Variants in ADAM28 observed in about 807,000 individuals in gnomAD.
ADAM28 encodes the protein disintegrin and metalloproteinase domain-containing protein 28.
Under a neutral mutation model 101.2 loss-of-function variants are expected in ADAM28, and 105 were observed. The observed-to-expected ratio is 1.04, with a 90% confidence interval of 0.89 to 1.22. The LOEUF (loss-of-function observed/expected upper bound fraction) is 1.22, where lower values mean the gene tolerates loss of function less well. ADAM28 is among the 50% of genes most tolerant of loss of function. ADAM28 has a pLI of 0.00. For synonymous variants in ADAM28, 322 were observed against 310.6 expected (o/e 1.04, Z -0.39); for missense variants, 1,028 against 945.4 (o/e 1.09, Z -1.15).
intron 10 of ADAM28, among the ~76,000 whole-genome samples, chr8:24,328,320 G>A (rs1812895019): frequency 6.6e-6 from 1 of 151,814 alleles, no homozygotes; most frequent in Admixed American, 6.6e-5. Flanking sequence ...GGAAGTTATA[G>A]TTGTCTACCT....
At chr8:24,320,493 G>A (rs749216232) in intron 7 of ADAM28, among the ~76,000 whole-genome samples, 186 bp downstream of exon 7, 32 of 152,026 alleles carry the variant, frequency 2.1e-4, no homozygotes, top group Middle Eastern at 3.4e-3. Flanking sequence ...TTTTCAGAGC[G>A]ATCAGGGCAA....
chr8:24,321,538 G>A (rs1811881949), intron 8 of ADAM28: 2 of 455,884 alleles, frequency 4.4e-6, no homozygotes, highest in Non-Finnish European at 8.0e-6. Context: ...AAAGCTACAT[G>A]GGTGCATTGT....
intron 4 of ADAM28, among the ~76,000 whole-genome samples, chr8:24,310,960 A>G (rs762178025): frequency 1.3e-5 from 2 of 152,212 alleles, no homozygotes. Context: ...CAAAAACCCA[A>G]TCTAAATAAC....
Position 24,310,245 on chromosome 8 carries a change from T to G in ADAM28, c.306+4T>G. On this transcript the variant is annotated splice_donor_region_variant and intron_variant, in intron 4 of 22. Coordinates refer to ENST00000265769, the MANE Select transcript of ADAM28 (RefSeq NM_014265.6). ...CACCACAAGCCCACAAATTATGGTATAACGGAGTCTCTTCAATTCTTTAAT... is the reference window on the plus strand; with the variant it reads ...CACCACAAGCCCACAAATTATGGTAGAACGGAGTCTCTTCAATTCTTTAAT... 1 of 1,610,982 alleles carries G rather than the reference T, an allele frequency of 6.2e-7. No individual in the cohort carries two copies. The highest frequency in any genetic ancestry group is 1.1e-5 in the South Asian group (1 of 90,996).
intron 2 of ADAM28, among the ~76,000 whole-genome samples, chr8:24,300,632 G>A (rs1259411403): frequency 6.6e-6 from 1 of 152,102 alleles, no homozygotes; most frequent in Non-Finnish European, 1.5e-5. Flanking sequence ...TAGCCAGGAT[G>A]TTTTCTATCT....
intron 6 of ADAM28, among the ~76,000 whole-genome samples, chr8:24,319,889 A>G (rs1811642466): frequency 6.6e-6 from 1 of 152,006 alleles, no homozygotes; most frequent in East Asian, 1.9e-4. Context: ...CACTAGGAGG[A>G]TGCTGAAGTC....
chr8:24,337,854 C>T lies in ADAM28; in HGVS notation c.1568-1612C>T, dbSNP rs542118828. Among the ~76,000 whole-genome samples the T allele has an allele frequency of 1.2e-4, 18 of 152,274 alleles. No individual in the cohort carries two copies. In the South Asian group the frequency reaches 3.7e-3, roughly 32 times the overall value. ...ATTGAAAATGTGGCTAAGGCATAAGCAGGCAATTTGTCATAAAGAAGAAAT... is the reference window on the plus strand; with the variant it reads ...ATTGAAAATGTGGCTAAGGCATAAGTAGGCAATTTGTCATAAAGAAGAAAT... On this transcript the variant is annotated intron_variant, in intron 14 of 22. Transcript: ENST00000265769.
Position 24,354,714 on chromosome 8 carries a change from C to T in ADAM28, c.*310C>T, listed in dbSNP as rs992892826. 4 of 221,846 alleles carry T rather than the reference C, an allele frequency of 1.8e-5. No individual in the cohort carries two copies. The highest frequency in any genetic ancestry group is 9.2e-5 in the African/African-American group (4 of 43,550). The allele number at this position is 221,846 out of a possible 1,614,324, so 13.7% of individuals were successfully genotyped here. On this transcript the variant is annotated 3_prime_UTR_variant, in exon 23 of 23. Coordinates refer to ENST00000265769, the MANE Select transcript of ADAM28 (RefSeq NM_014265.6). ...GATTCATTCTCTAATGAAAACAAAA[C>T]ATAAAAACATCACACTAATCTTGGA...
chr8:24,354,499 T>C lies in ADAM28; in HGVS notation c.*95T>C. The C allele has an allele frequency of 7.2e-7, 1 of 1,397,804 alleles. No individual in the cohort carries two copies. The highest frequency in any genetic ancestry group is 9.7e-7 in the Non-Finnish European group (1 of 1,027,766). The allele number at this position is 1,397,804 out of a possible 1,614,324, so 86.6% of individuals were successfully genotyped here. ...AAATATACTATCTATCTCACCAGTA[T>C]TTGCTCTCGACTCAAGAAGGTTAAC... On this transcript the variant is annotated 3_prime_UTR_variant, in exon 23 of 23. Transcript: ENST00000265769.
chr8:24,299,725 C>T (rs1039987643), intron 1 of ADAM28: 15 of 280,440 alleles, frequency 5.3e-5, no homozygotes, highest in African/African-American at 3.3e-4. Flanking sequence ...TCTCTAAATA[C>T]AGTAACACCT....
At chr8:24,339,599 C>A in intron 15 of ADAM28, 31 bp downstream of exon 15, 3 of 1,547,486 alleles carry the variant, frequency 1.9e-6, no homozygotes, top group Non-Finnish European at 2.7e-6. Context: ...CTTCCTGCTT[C>A]ACAGACTAGA....
chr8:24,339,332 T>C, intron 14 of ADAM28, 134 bp from the exon 15 acceptor site: 1 of 664,976 alleles, frequency 1.5e-6, no homozygotes, highest in Non-Finnish European at 2.5e-6. Context: ...TATGCTAAAA[T>C]AGTATTTTTC....
At chr8:24,321,334 A>G in intron 8 of ADAM28, 45 bp downstream of exon 8, 1 of 1,453,550 alleles carries the variant, frequency 6.9e-7, no homozygotes, top group Non-Finnish European at 9.7e-7. Flanking sequence ...GTTTGCTGGG[A>G]GATGTCACTG....
Position 24,335,446 on chromosome 8 carries a change from T to G in ADAM28, c.1372T>G (p.Phe458Val). 2 of 1,603,188 alleles carry G rather than the reference T, an allele frequency of 1.2e-6. No individual in the cohort carries two copies. Among genetic ancestry groups the G allele is most frequent in the Non-Finnish European group, 1.7e-6 (2 of 1,174,736 alleles). Residue 458 changes from phenylalanine (F) to valine (V), a missense_variant and splice_region_variant, in exon 14 of 23, where the codon TTT becomes GTT. Phe to Val is a conservative substitution (Grantham distance 50). Transcript: ENST00000265769. Reference sequence around the variant, plus strand: ...GCCTTCTATTTTTGTTTTTCTACAGTTTAAAAAGGCTGGGATGGTGTGCAG... The same window carrying G: ...GCCTTCTATTTTTGTTTTTCTACAGGTTAAAAAGGCTGGGATGGTGTGCAG... ...ALGECCEKCQ[F>V]KKAGMVCRPA...
At chr8:24,336,029 T>C (rs1377010873) in intron 14 of ADAM28, 1 of 1,005,522 alleles carries the variant, frequency 9.9e-7, no homozygotes, top group Non-Finnish European at 1.2e-6. Context: ...TGGAAATCTG[T>C]GTGTGTGCGG....
At chr8:24,315,650 T>C (rs1313021003) in intron 6 of ADAM28, among the ~76,000 whole-genome samples, 3 of 151,964 alleles carry the variant, frequency 2.0e-5, no homozygotes, top group African/African-American at 4.8e-5. Flanking sequence ...TACTGCTTAG[T>C]ACTTGTTACA....
At position 24,352,022 on chromosome 8, in the gene ADAM28, A is replaced by C. The variant is rs746630411; in HGVS notation, c.2214A>C (p.Pro738=). The change falls in exon 21 of 23, where the codon CCA becomes CCC. Residue 738 remains proline (P), a synonymous_variant. Coordinates refer to ENST00000265769, the MANE Select transcript of ADAM28 (RefSeq NM_014265.6). ...SQMKPHVYDL[P]VEGNEPPASF... ...TGAAGCCCCATGTGTATGATCTGCCAGTAGAAGGCAATGAGCCCCCAGCCT... is the reference window on the plus strand; with the variant it reads ...TGAAGCCCCATGTGTATGATCTGCCCGTAGAAGGCAATGAGCCCCCAGCCT... 6 of 1,613,808 alleles carry C rather than the reference A, an allele frequency of 3.7e-6. No homozygotes were observed. The Admixed American group carries it at 1.0e-4, about 27-fold the overall frequency.
In ADAM28 at chr8:24,352,064, A is replaced by G. The variant is rs762011602; in HGVS notation, c.2244+12A>G. 1 of 1,612,968 alleles carries G rather than the reference A, an allele frequency of 6.2e-7. No homozygotes were observed. The highest frequency in any genetic ancestry group is 1.7e-5 in the Admixed American group (1 of 59,988). ...CCCCAGCCTCTTTTGTGAGTTAGCA[A>G]CTTCTCTTAAATACCACCCTAGTTC... On this transcript the variant is annotated intron_variant, in intron 21 of 22. Transcript: ENST00000265769.
Position 24,321,234 on chromosome 8 carries a change from A to T in ADAM28, c.665A>T (p.Glu222Val). 15 of 1,604,810 alleles carry T rather than the reference A, an allele frequency of 9.3e-6. No homozygotes were observed. The highest frequency in any genetic ancestry group is 1.2e-5 in the Non-Finnish European group (14 of 1,172,196). The change falls in exon 8 of 23, where the codon GAG (glutamate) becomes GTG (valine). Residue 222 changes from glutamate to valine, a missense_variant. Glu to Val is a moderately radical substitution (Grantham distance 121). Transcript: ENST00000265769. ...LDNGEFKRYN[E>V]NQDEIRKRVF... ...TTCTTTTAGTTTAAAAGGTACAATG[A>T]GAATCAAGATGAGATCAGAAAGAGG...
Sources: allele counts gnomAD v4.1 joint callset (sites outside exome capture counted in the v4.1 genomes callset), GRCh38; gene constraint gnomAD v4.1.1; transcripts MANE v1.5; gene names NCBI Gene and HGNC (gene_info 2026-07-23, HGNC 2026-07-21).